The following LUZP2 variants were observed in gnomAD, a reference collection of about 807,000 sequenced individuals.
LUZP2 encodes the protein leucine zipper protein 2.
Under a neutral mutation model 51.6 loss-of-function variants are expected in LUZP2, and 52 were observed. The observed-to-expected ratio is 1.01, with a 90% CI of 0.81 to 1.27. The LOEUF is 1.27. Among genes scored for constraint, LUZP2 ranks in the 50% most tolerant of loss-of-function variants. LUZP2 has a pLI of 0.00. For synonymous variants in LUZP2, 154 were observed against 137.3 expected, an observed-to-expected ratio of 1.12 and a Z score of -0.85; for missense variants, 436 against 395.4, an observed-to-expected ratio of 1.10 and a Z score of -0.87.
At chr11:24,927,781 G>A (rs1302120713) in intron 7 of LUZP2, among the ~76,000 whole-genome samples, 2 of 151,760 alleles carry the variant, frequency 1.3e-5, no homozygotes, top group Non-Finnish European at 2.9e-5. Context: ...AAGAATGATG[G>A]TGGTATTTTG....
At chr11:25,042,000 A>G (rs1858077217) in intron 9 of LUZP2, among the ~76,000 whole-genome samples, 1 of 152,148 alleles carries the variant, frequency 6.6e-6, no homozygotes, top group African/African-American at 2.4e-5. Flanking sequence ...TCATCCTGAA[A>G]TCATCGTCTC....
chr11:25,042,781 T>C (rs1858113180), intron 9 of LUZP2, among the ~76,000 whole-genome samples: 1 of 152,116 alleles, frequency 6.6e-6, no homozygotes, highest in South Asian at 2.1e-4. Context: ...TGCCTTCTAT[T>C]CCATGTTTCT....
At chr11:24,636,409 C>G (rs11028084) in intron 1 of LUZP2, among the ~76,000 whole-genome samples, 4,691 of 152,200 alleles carry the variant, frequency 0.031, 108 homozygotes, top group South Asian at 0.12. Context: ...GGATTCTGAA[C>G]CTAGACTGCT....
intron 5 of LUZP2, among the ~76,000 whole-genome samples, chr11:24,774,513 C>A (rs1184738923): frequency 1.5e-3 from 129 of 87,186 alleles, no homozygotes; most frequent in African/African-American, 3.7e-3. Context: ...AGAATATATT[C>A]TATATATATG....
intron 1 of LUZP2, among the ~76,000 whole-genome samples, chr11:24,596,418 T>G (rs1260699949): frequency 1.3e-5 from 2 of 152,134 alleles, no homozygotes; most frequent in East Asian, 1.9e-4. Flanking sequence ...TAATGAGAGA[T>G]TTGTAGGACT....
At chr11:24,921,113 G>A (rs1462722465) in intron 7 of LUZP2, among the ~76,000 whole-genome samples, 1 of 152,016 alleles carries the variant, frequency 6.6e-6, no homozygotes, top group Admixed American at 6.6e-5. Context: ...TAGGATTAAC[G>A]ACAGGGACAC....
At chr11:24,768,826 A>G (rs1032114836) in intron 5 of LUZP2, among the ~76,000 whole-genome samples, 1 of 152,208 alleles carries the variant, frequency 6.6e-6, no homozygotes. Context: ...AGCCATTATG[A>G]ACAACAATAT....
At chr11:24,958,368 A>C (rs992349653) in intron 7 of LUZP2, among the ~76,000 whole-genome samples, 2 of 152,240 alleles carry the variant, frequency 1.3e-5, no homozygotes, top group African/African-American at 4.8e-5. Context: ...CAGTCCCACC[A>C]ACAGTGTAAA....
intron 1 of LUZP2, among the ~76,000 whole-genome samples, chr11:24,600,215 A>ACACACACG (rs1554961581): frequency 2.8e-5 from 4 of 145,452 alleles, no homozygotes; most frequent in African/African-American, 1.0e-4. Flanking sequence ...ACACACACAC[A>ACACACACG]CACGCACAAT....
intron 9 of LUZP2, among the ~76,000 whole-genome samples, chr11:25,011,213 G>C (rs908784428): frequency 6.6e-6 from 1 of 152,140 alleles, no homozygotes; most frequent in African/African-American, 2.4e-5. Flanking sequence ...CTAAGTTAAT[G>C]AATGAATGAT....
intron 1 of LUZP2, among the ~76,000 whole-genome samples, chr11:24,618,325 G>A (rs1309094652): frequency 6.6e-6 from 1 of 152,194 alleles, no homozygotes; most frequent in African/African-American, 2.4e-5. Context: ...AGCTCCCATA[G>A]GGGTGAAAGT....
intron 7 of LUZP2, among the ~76,000 whole-genome samples, chr11:24,930,495 G>A (rs1201055909): frequency 6.6e-6 from 1 of 152,122 alleles, no homozygotes; most frequent in Non-Finnish European, 1.5e-5. Flanking sequence ...TAGTTTCACT[G>A]GATACAAAAT....
intron 9 of LUZP2, among the ~76,000 whole-genome samples, chr11:25,046,504 TA>T (rs998040560): frequency 1.3e-5 from 2 of 152,034 alleles, no homozygotes; most frequent in African/African-American, 2.4e-5. Flanking sequence ...CTCTTAATCC[TA>T]AAAAAATCAT....
intron 10 of LUZP2, among the ~76,000 whole-genome samples, chr11:25,075,763 GT>G (rs1182014344): frequency 6.6e-6 from 1 of 152,054 alleles, no homozygotes; most frequent in East Asian, 1.9e-4. Context: ...CAGATACATG[GT>G]TTGTGTTCAT....
At chr11:25,066,941 C>T (rs994886756) in intron 10 of LUZP2, among the ~76,000 whole-genome samples, 1 of 151,936 alleles carries the variant, frequency 6.6e-6, no homozygotes, top group Non-Finnish European at 1.5e-5. Context: ...TCCTCAAAAT[C>T]CTCTGAGTTG....
Position 24,511,412 on chromosome 11 carries a change from T to TAAA in LUZP2, c.62+14114_62+14116dup, listed in dbSNP as rs3077882. 7.1e-3 allele frequency among the ~76,000 whole-genome samples: 1,069 copies of TAAA among 151,108 alleles called. 39 individuals carry two copies. In the East Asian group the frequency reaches 0.11, roughly 15 times the overall value. On this transcript the variant is annotated intron_variant, in intron 1 of 11. Coordinates refer to ENST00000336930, the MANE Select transcript of LUZP2 (RefSeq NM_001009909.4). ...ACAATTTTTTTAATTAATTAAAAAA[T>TAAA]AAAAAAAAATACAATGGCAAGATTT...
chr11:24,548,174 A>G (rs1851617605), intron 1 of LUZP2, among the ~76,000 whole-genome samples: 1 of 152,136 alleles, frequency 6.6e-6, no homozygotes, highest in Admixed American at 6.6e-5. Flanking sequence ...TAGAACTACC[A>G]TTTGACCCAG....
At position 24,926,345 on chromosome 11, in the gene LUZP2, G is replaced by GTATATATACGTGTGTA. The variant is rs1565119226; in HGVS notation, c.522+11815_522+11816insCGTGTGTATATATATA. Among the ~76,000 whole-genome samples the GTATATATACGTGTGTA allele has an allele frequency of 1.9e-3, 86 of 44,958 alleles. 13 individuals carry two copies. The highest frequency in any genetic ancestry group is 9.1e-3 in the African/African-American group (82 of 8,968). The allele number at this position is 44,958 out of a possible 152,430, so 29.5% of individuals were successfully genotyped here. On this transcript the variant is annotated intron_variant, in intron 7 of 11. Coordinates refer to ENST00000336930, the MANE Select transcript of LUZP2 (RefSeq NM_001009909.4). Reference sequence around the variant, plus strand: ...CGTGTGTGTATATATATATACGTGTGTATATATATACGTGTGTATATATAT... The same window carrying GTATATATACGTGTGTA: ...CGTGTGTGTATATATATATACGTGTGTATATATACGTGTGTATATATATATACGTGTGTATATATAT...
intron 1 of LUZP2, among the ~76,000 whole-genome samples, chr11:24,547,550 C>G (rs1255542809): frequency 6.6e-6 from 1 of 151,962 alleles, no homozygotes; most frequent in Non-Finnish European, 1.5e-5. Flanking sequence ...TTCCTTTTAC[C>G]ATATGTAATA....
Sources: allele counts gnomAD v4.1 joint callset (sites outside exome capture counted in the v4.1 genomes callset), GRCh38; gene constraint gnomAD v4.1.1; transcripts MANE v1.5; gene names NCBI Gene and HGNC (gene_info 2026-07-23, HGNC 2026-07-21).